NTM: variants seen among roughly 807,000 people sequenced by gnomAD.
NTM encodes neurotrimin, also known as IgLON family member 2.
In NTM, 13 loss-of-function variants were observed where a neutral mutation model predicts 42.1. That is an observed-to-expected ratio of 0.31 (90% CI 0.20 to 0.49). NTM has a LOEUF of 0.49. Among genes scored for constraint, NTM ranks in the 20% least tolerant of loss-of-function variants. NTM has a pLI of 0.99. For missense variants in NTM, 373 were observed against 452.8 expected, an observed-to-expected ratio of 0.82 and a Z score of 1.60; for synonymous variants, 187 against 179.2, an observed-to-expected ratio of 1.04 and a Z score of -0.35.
chr11:131,996,378 G>A (rs1007330773), intron 2 of NTM, among the ~76,000 whole-genome samples: 9 of 152,108 alleles, frequency 5.9e-5, no homozygotes, highest in African/African-American at 1.9e-4. Flanking sequence ...TACAAGAGAT[G>A]GACGCGCTAG....
chr11:131,514,746 G>A (rs2048682168), intron 1 of NTM, among the ~76,000 whole-genome samples: 1 of 151,738 alleles, frequency 6.6e-6, no homozygotes, highest in Non-Finnish European at 1.5e-5. Context: ...ATGCTACCAC[G>A]CCTGACTAAG....
intron 4 of NTM, among the ~76,000 whole-genome samples, chr11:132,214,279 C>A (rs2138716370): frequency 6.6e-6 from 1 of 152,220 alleles, no homozygotes; most frequent in South Asian, 2.1e-4. Flanking sequence ...GATGTGAGTC[C>A]CCAGTGCTGG....
chr11:131,525,103 C>T (rs2050283750), intron 1 of NTM, among the ~76,000 whole-genome samples: 1 of 152,096 alleles, frequency 6.6e-6, no homozygotes, highest in Admixed American at 6.5e-5. Context: ...TATTGCCAGA[C>T]CTCTACGCTT....
At chr11:131,862,939 T>G (rs1468081537) in intron 1 of NTM, among the ~76,000 whole-genome samples, 1 of 152,204 alleles carries the variant, frequency 6.6e-6, no homozygotes, top group Non-Finnish European at 1.5e-5. Context: ...AGAAGTGACA[T>G]TGAGGTCATC....
intron 4 of NTM, among the ~76,000 whole-genome samples, chr11:132,224,506 G>A (rs146023569): frequency 1.3e-5 from 2 of 152,270 alleles, no homozygotes; most frequent in African/African-American, 2.4e-5. Flanking sequence ...GAGATGAGGT[G>A]TGTTGGTGTT....
At chr11:132,049,803 G>C (rs1303321388) in intron 2 of NTM, among the ~76,000 whole-genome samples, 1 of 152,180 alleles carries the variant, frequency 6.6e-6, no homozygotes, top group Non-Finnish European at 1.5e-5. Context: ...CAGTCATGAG[G>C]ATGGCCACCA....
intron 4 of NTM, among the ~76,000 whole-genome samples, chr11:132,252,782 G>A (rs2092094198): frequency 6.6e-6 from 1 of 152,146 alleles, no homozygotes; most frequent in Non-Finnish European, 1.5e-5. Context: ...GAGTGACATT[G>A]ACTGTCTCTG....
chr11:131,848,807 A>T (rs2045215551), intron 1 of NTM, among the ~76,000 whole-genome samples: 1 of 152,138 alleles, frequency 6.6e-6, no homozygotes, highest in Non-Finnish European at 1.5e-5. Context: ...TTCTCCTCCA[A>T]GTCCCTGATC....
chr11:132,078,156 C>A (rs1037977983), intron 2 of NTM, among the ~76,000 whole-genome samples: 3 of 152,190 alleles, frequency 2.0e-5, no homozygotes, highest in Non-Finnish European at 4.4e-5. Context: ...TCAGGTCTAA[C>A]AATGTTTGTT....
intron 3 of NTM, among the ~76,000 whole-genome samples, chr11:132,208,747 A>C (rs1488753099): frequency 6.6e-6 from 1 of 152,174 alleles, no homozygotes; most frequent in Non-Finnish European, 1.5e-5. Context: ...ATTTCCACTT[A>C]AAATGTACTT....
At chr11:132,331,312 C>T (rs947423332) in intron 8 of NTM, among the ~76,000 whole-genome samples, 3 of 152,146 alleles carry the variant, frequency 2.0e-5, no homozygotes, top group Non-Finnish European at 4.4e-5. Context: ...CCAGTGCAAG[C>T]GCTCTATCTG....
intron 1 of NTM, among the ~76,000 whole-genome samples, chr11:131,676,786 A>G (rs1364256247): frequency 1.3e-5 from 2 of 152,218 alleles, no homozygotes; most frequent in Non-Finnish European, 2.9e-5. Context: ...CCTTCTAAGA[A>G]CAAGGCGTCT....
At chr11:131,983,886 C>G (rs1471877151) in intron 2 of NTM, among the ~76,000 whole-genome samples, 1 of 152,146 alleles carries the variant, frequency 6.6e-6, no homozygotes. Flanking sequence ...CATTAGCTTC[C>G]AGCCAAAGGA....
At chr11:131,486,833 A>G (rs942535935) in intron 1 of NTM, among the ~76,000 whole-genome samples, 5 of 152,124 alleles carry the variant, frequency 3.3e-5, no homozygotes, top group African/African-American at 1.2e-4. Context: ...GCTCTCAAAG[A>G]TTCTTTTTCC....
At chr11:131,972,063 A>AAAAAAAAAAAAAAAAAG (rs2063634249) in intron 2 of NTM, among the ~76,000 whole-genome samples, 1 of 147,586 alleles carries the variant, frequency 6.8e-6, no homozygotes, top group Non-Finnish European at 1.5e-5. Context: ...AAAAAAAAAA[A>AAAAAAAAAAAAAAAAAG]TTAGCCAGGT....
At chr11:131,523,967 G>A (rs1022283) in intron 1 of NTM, among the ~76,000 whole-genome samples, 26,274 of 152,002 alleles carry the variant, frequency 0.17, 2,315 homozygotes, top group Middle Eastern at 0.22. Context: ...AGGGGACAAG[G>A]TTGAGAACAC....
intron 2 of NTM, among the ~76,000 whole-genome samples, chr11:132,068,402 A>G (rs2056846275): frequency 6.6e-6 from 1 of 152,222 alleles, no homozygotes; most frequent in South Asian, 2.1e-4. Context: ...CTGTAAAACA[A>G]TTCAGCTAAG....
At chr11:131,662,860 G>A (rs545883373) in intron 1 of NTM, among the ~76,000 whole-genome samples, 78 of 152,010 alleles carry the variant, frequency 5.1e-4, no homozygotes, top group Admixed American at 2.1e-3. Context: ...GATGGATGAA[G>A]GCAGTCCCTC....
chr11:131,449,321 C>T (rs1950303007), intron 1 of NTM, among the ~76,000 whole-genome samples: 1 of 152,180 alleles, frequency 6.6e-6, no homozygotes, highest in Admixed American at 6.5e-5. Context: ...CTCAGGTGGA[C>T]TCCCACAGGG....
Sources: allele counts gnomAD v4.1 joint callset (sites outside exome capture counted in the v4.1 genomes callset), GRCh38; gene constraint gnomAD v4.1.1; transcripts MANE v1.5; gene names NCBI Gene and HGNC (gene_info 2026-07-23, HGNC 2026-07-21).